The following B3GALT1 variants were observed in gnomAD, a reference collection of about 807,000 sequenced individuals.
B3GALT1 encodes UDP-Gal:betaGlcNAc beta 1,3-galactosyltransferase, polypeptide 1.
Under a neutral mutation model 23.2 loss-of-function variants are expected in B3GALT1, and 10 were observed. The observed-to-expected ratio is 0.43, with a 90% CI of 0.27 to 0.73. B3GALT1 has a LOEUF of 0.73. Ranked by LOEUF, B3GALT1 falls within the 30% of genes least tolerant of loss-of-function variation. B3GALT1 has a pLI of 0.21. For missense variants in B3GALT1, 299 were observed against 405.4 expected, an observed-to-expected ratio of 0.74 and a Z score of 2.25; for synonymous variants, 156 against 141.5, an observed-to-expected ratio of 1.10 and a Z score of -0.73.
At chr2:167,599,680 T>A (rs1181399557) in intron 2 of B3GALT1, among the ~76,000 whole-genome samples, 2 of 152,260 alleles carry the variant, frequency 1.3e-5, no homozygotes, top group Admixed American at 6.5e-5. Flanking sequence ...CATTTCATTT[T>A]ACATCTTATA....
chr2:167,714,314 G>T, intron 3 of B3GALT1: 1 of 1,494,698 alleles, frequency 6.7e-7, no homozygotes, highest in Non-Finnish European at 9.3e-7. Context: ...AGCCCTGTGA[G>T]CATCAGTTGA....
At chr2:167,570,784 C>T (rs1289301840) in intron 2 of B3GALT1, among the ~76,000 whole-genome samples, 2 of 151,778 alleles carry the variant, frequency 1.3e-5, no homozygotes, top group Non-Finnish European at 2.9e-5. Context: ...GTTCTGAAAA[C>T]AAGGGGTTAT....
intron 2 of B3GALT1, among the ~76,000 whole-genome samples, chr2:167,505,578 C>T (rs1376501682): frequency 6.6e-6 from 1 of 152,120 alleles, no homozygotes; most frequent in African/African-American, 2.4e-5. Flanking sequence ...ATTTGGAAAG[C>T]TTATGCAGTT....
At chr2:167,460,469 T>G (rs1413927786) in intron 1 of B3GALT1, among the ~76,000 whole-genome samples, 2 of 152,178 alleles carry the variant, frequency 1.3e-5, no homozygotes, top group African/African-American at 2.4e-5. Context: ...AAGATTTTTT[T>G]GTCTCTTTCC....
In B3GALT1 at chr2:167,366,531, C is replaced by T. The variant is rs747434952; in HGVS notation, c.-511+73197C>T. On this transcript the variant is annotated intron_variant, in intron 1 of 4. Transcript: ENST00000392690. ...ATCTTCTGATATCTATTGGGTTCAT[C>T]AAAACATGATAACCATGAGTCATTA... Among the ~76,000 whole-genome samples the T allele has an allele frequency of 1.5e-4, 23 of 151,938 alleles. No individual in the cohort carries two copies. The East Asian group carries it at 2.9e-3, about 19-fold the overall frequency.
chr2:167,526,955 T>C (rs552188817), intron 2 of B3GALT1, among the ~76,000 whole-genome samples: 7 of 152,182 alleles, frequency 4.6e-5, no homozygotes, highest in Non-Finnish European at 1.0e-4. Flanking sequence ...AGAATTTGCA[T>C]TCAACTATAT....
At chr2:167,344,254 CTT>C (rs1697192921) in intron 1 of B3GALT1, among the ~76,000 whole-genome samples, 1 of 152,082 alleles carries the variant, frequency 6.6e-6, no homozygotes, top group East Asian at 1.9e-4. Context: ...TCAGAACAAA[CTT>C]TTATCTACTC....
At chr2:167,471,900 G>A (rs78612533) in intron 1 of B3GALT1, among the ~76,000 whole-genome samples, 17,076 of 151,962 alleles carry the variant, frequency 0.11, 1,120 homozygotes, top group African/African-American at 0.19. Context: ...AGAGGCCTGG[G>A]GCCTTTGGCC....
intron 3 of B3GALT1, among the ~76,000 whole-genome samples, chr2:167,745,809 G>C (rs963005687): frequency 6.6e-6 from 1 of 151,830 alleles, no homozygotes; most frequent in African/African-American, 2.4e-5. Flanking sequence ...TCTATCTGTG[G>C]ATGCATGTTT....
chr2:167,815,602 T>C (rs963833812), intron 3 of B3GALT1, among the ~76,000 whole-genome samples: 2 of 152,232 alleles, frequency 1.3e-5, no homozygotes, highest in Non-Finnish European at 2.9e-5. Context: ...TTGTTTATCC[T>C]ATTATGTCAC....
intron 3 of B3GALT1, among the ~76,000 whole-genome samples, chr2:167,817,714 T>C (rs910713765): frequency 1.2e-4 from 18 of 152,204 alleles, no homozygotes; most frequent in Non-Finnish European, 2.9e-5. Flanking sequence ...TGAGGACCCA[T>C]CACATTTCAG....
chr2:167,497,830 A>T lies in B3GALT1; in HGVS notation c.-410+7553A>T, dbSNP rs536405624. ...AGAGGCCATTGATGGAGAGCACAGG[A>T]TTCCCAAGTACCCAACATCTCATGT... On this transcript the variant is annotated intron_variant, in intron 2 of 4. Coordinates refer to ENST00000392690, the MANE Select transcript of B3GALT1 (RefSeq NM_020981.4). Among the ~76,000 whole-genome samples the T allele has an allele frequency of 2.0e-5, 3 of 152,068 alleles. No individual in the cohort carries two copies. In the South Asian group the frequency reaches 6.3e-4, roughly 32 times the overall value.
At chr2:167,357,823 CA>C (rs1697439116) in intron 1 of B3GALT1, among the ~76,000 whole-genome samples, 1 of 152,132 alleles carries the variant, frequency 6.6e-6, no homozygotes, top group South Asian at 2.1e-4. Flanking sequence ...TAAAACATTG[CA>C]CATTCATCTT....
At chr2:167,565,712 C>A (rs1027872137) in intron 2 of B3GALT1, among the ~76,000 whole-genome samples, 10 of 152,310 alleles carry the variant, frequency 6.6e-5, no homozygotes, top group African/African-American at 1.4e-4. Flanking sequence ...ACACTTCTCA[C>A]AAGAAGACAT....
intron 1 of B3GALT1, among the ~76,000 whole-genome samples, chr2:167,474,966 T>G (rs1699469124): frequency 6.6e-6 from 1 of 152,188 alleles, no homozygotes; most frequent in South Asian, 2.1e-4. Flanking sequence ...ATACCTGCTA[T>G]GCATTGTAAA....
chr2:167,712,478 G>A (rs536444864), intron 3 of B3GALT1, among the ~76,000 whole-genome samples: 22 of 151,570 alleles, frequency 1.5e-4, no homozygotes, highest in Non-Finnish European at 2.5e-4. Flanking sequence ...TGGCAGCCTG[G>A]GGGGAAGCAA....
At chr2:167,750,323 T>A (rs114548912) in intron 3 of B3GALT1, among the ~76,000 whole-genome samples, 2,348 of 152,234 alleles carry the variant, frequency 0.015, 71 homozygotes, top group African/African-American at 0.053. Context: ...CCAGAGTAAA[T>A]AGACCGTAAG....
Position 167,873,489 on chromosome 2 carries a change from C to T in B3GALT1, c.*3469C>T, listed in dbSNP as rs555910365. Reference sequence around the variant, plus strand: ...AGTTTTTCGATCAAATCTCTTCTATCAAAAGACAATGGAATATTTACCTAA... The same window carrying T: ...AGTTTTTCGATCAAATCTCTTCTATTAAAAGACAATGGAATATTTACCTAA... On this transcript the variant is annotated 3_prime_UTR_variant, in exon 5 of 5. Transcript: ENST00000392690. 15 of 152,110 alleles carry T rather than the reference C, an allele frequency of 9.9e-5. No individual in the cohort carries two copies. The highest frequency in any genetic ancestry group is 1.9e-4 in the Non-Finnish European group (13 of 68,014). The allele number at this position is 152,110 out of a possible 1,614,324, so 9.4% of individuals were successfully genotyped here. A position where few individuals can be genotyped will look rare whatever the true frequency, so the allele number is the denominator to read the frequency against.
chr2:167,581,365 C>T (rs1558914149), intron 2 of B3GALT1, among the ~76,000 whole-genome samples: 1 of 152,170 alleles, frequency 6.6e-6, no homozygotes. Flanking sequence ...TAATAAATTG[C>T]TAATAATCAT....
Sources: allele counts gnomAD v4.1 joint callset (sites outside exome capture counted in the v4.1 genomes callset), GRCh38; gene constraint gnomAD v4.1.1; transcripts MANE v1.5; gene names NCBI Gene and HGNC (gene_info 2026-07-23, HGNC 2026-07-21).